The following ANK3 variants were observed in gnomAD, a reference collection of about 807,000 sequenced individuals.
ANK3 encodes ankyrin 3.
A neutral mutation model predicts 370.9 loss-of-function variants in ANK3; 57 were observed. That is an observed-to-expected ratio of 0.15 (90% CI 0.12 to 0.19). ANK3 has a LOEUF of 0.19. Ranked by LOEUF, ANK3 falls within the 10% of genes least tolerant of loss-of-function variation. ANK3 has a pLI of 1.00. For synonymous variants in ANK3, 1,929 were observed against 1,946.3 expected (o/e 0.99, Z 0.23); for missense variants, 4,439 against 5,302.1 (o/e 0.84, Z 5.06).
intron 1 of ANK3, among the ~76,000 whole-genome samples, chr10:60,286,088 T>A (rs1328121662): frequency 1.3e-5 from 2 of 152,144 alleles, no homozygotes; most frequent in Non-Finnish European, 2.9e-5. Flanking sequence ...ATATGAACAG[T>A]TCAAAGAAAA....
rs769051656 is a variant in ANK3, at chr10:60,071,935, C to T, written c.8946G>A (p.Gln2982=). ...ATAGTTCATGTTTTGGAAATGCCGA[C>T]TGTTCACAAAAACCATCGGGAATAT... The part of the protein sequence containing the change: ...SSNIPDGFCE[Q]SAFPKHELSQ... Residue 2982 remains glutamine, a synonymous_variant, in exon 37 of 44, where the codon CAG becomes CAA. Transcript: ENST00000280772. 1.9e-6 allele frequency: 3 copies of T among 1,614,080 alleles called. No individual in the cohort carries two copies. Among genetic ancestry groups the T allele is most frequent in the Non-Finnish European group, 2.5e-6 (3 of 1,180,004 alleles).
chr10:60,216,015 T>C (rs1446153623), intron 8 of ANK3, among the ~76,000 whole-genome samples: 1 of 152,186 alleles, frequency 6.6e-6, no homozygotes, highest in Non-Finnish European at 1.5e-5. Flanking sequence ...GCATCCTCTC[T>C]TACATCCTTG....
At chr10:60,130,981 T>G (rs934901714) in intron 25 of ANK3, among the ~76,000 whole-genome samples, 2 of 152,242 alleles carry the variant, frequency 1.3e-5, no homozygotes, top group Admixed American at 6.5e-5. Context: ...GATTCAACAA[T>G]TAACATTGCT....
intron 2 of ANK3, among the ~76,000 whole-genome samples, chr10:60,415,374 G>A (rs1168033396): frequency 4.6e-5 from 7 of 152,096 alleles, no homozygotes; most frequent in Admixed American, 3.3e-4. Flanking sequence ...TCTGCAAAAC[G>A]TAAAAAGAAC....
In ANK3 at chr10:60,158,966, G is replaced by A. The variant is rs553798579; in HGVS notation, c.2614+7625C>T. Among the ~76,000 whole-genome samples the A allele has an allele frequency of 2.8e-4, 43 of 151,872 alleles. No individual in the cohort carries two copies. In the East Asian group the frequency reaches 5.6e-3, roughly 20 times the overall value. Reference sequence around the variant, plus strand: ...TTTGGGATTATAGGCATGAGCCACCGTGCCCAGCCAATAAAAAAAAATCAC... The same window carrying A: ...TTTGGGATTATAGGCATGAGCCACCATGCCCAGCCAATAAAAAAAAATCAC... On this transcript the variant is annotated intron_variant, in intron 23 of 43. Transcript: ENST00000280772.
At chr10:60,166,952 C>A in intron 21 of ANK3, 56 bp from the exon 22 acceptor site, 2 of 1,387,348 alleles carry the variant, frequency 1.4e-6, no homozygotes, top group South Asian at 1.2e-5. Flanking sequence ...TTTAATGGGT[C>A]TTTTCATTTA....
In ANK3 at chr10:60,132,655, T is replaced by C. The variant is rs1241182005; in HGVS notation, c.2841+1616A>G. ...TTTTTTTGACAGAGTCTCGCTCTGT[T>C]GCCCAGGCTGGAGTACAGTGGTGCA... On this transcript the variant is annotated intron_variant, in intron 25 of 43. Coordinates refer to ENST00000280772, the MANE Select transcript of ANK3 (RefSeq NM_020987.5). Among the ~76,000 whole-genome samples the C allele has an allele frequency of 5.9e-5, 9 of 151,898 alleles. No individual in the cohort carries two copies. In the East Asian group the frequency reaches 1.3e-3, roughly 23 times the overall value.
intron 2 of ANK3, among the ~76,000 whole-genome samples, chr10:60,584,719 A>T (rs2077807060): frequency 6.6e-6 from 1 of 152,190 alleles, no homozygotes; most frequent in Admixed American, 6.5e-5. Context: ...TTCCTGAGAC[A>T]TTTCTACTGA....
intron 28 of ANK3, among the ~76,000 whole-genome samples, chr10:60,089,459 TTGTGTGTGTGTGTGTG>T (rs61497871): frequency 0.083 from 11,799 of 141,632 alleles, 1,202 homozygotes; most frequent in African/African-American, 0.24. Flanking sequence ...TCCATCCAGG[TTGTGTGTGTGTGTGTG>T]TGTGTGTGTG....
intron 4 of ANK3, among the ~76,000 whole-genome samples, chr10:60,273,404 A>G (rs1309717652): frequency 2.0e-5 from 3 of 152,164 alleles, no homozygotes; most frequent in Non-Finnish European, 4.4e-5. Context: ...AGTGGCTTTA[A>G]GTATATTCAT....
Position 60,044,386 on chromosome 10 carries a change from T to C in ANK3, c.13066-1627A>G, listed in dbSNP as rs551065957. The C allele has an allele frequency of 4.3e-5, 40 of 938,436 alleles. No homozygotes were observed. In the South Asian group the frequency reaches 1.7e-3, roughly 40 times the overall value. The allele number at this position is 938,436 out of a possible 1,614,324, so 58.1% of individuals were successfully genotyped here. On this transcript the variant is annotated intron_variant, in intron 42 of 43. Coordinates refer to ENST00000280772, the MANE Select transcript of ANK3 (RefSeq NM_020987.5). ...GCATAAAGATTAGCAACATACTAGA[T>C]GGAGAAATCTCCACACTACTCCAAA...
intron 43 of ANK3, among the ~76,000 whole-genome samples, chr10:60,032,513 T>G (rs999871738): frequency 6.6e-6 from 1 of 152,112 alleles, no homozygotes; most frequent in African/African-American, 2.4e-5. Context: ...TGGCCTGGCT[T>G]GATAATTTTT....
chr10:60,257,839 C>G (rs1289102834), intron 7 of ANK3, among the ~76,000 whole-genome samples: 3 of 152,106 alleles, frequency 2.0e-5, no homozygotes, highest in Admixed American at 2.0e-4. Context: ...TTTCAGAGAT[C>G]AAAACAGAAA....
chr10:60,073,957 A>G lies in ANK3; in HGVS notation c.6924T>C (p.Ala2308=). ...SAVSPDVHKS[A]AETSAQHAEK... is the part of the protein sequence containing the mutation. ...CTGCATGCTGGGCTGAGGTTTCAGCAGCAGACTTGTGAACATCTGGAGACA... is the reference window on the plus strand; with the variant it reads ...CTGCATGCTGGGCTGAGGTTTCAGCGGCAGACTTGTGAACATCTGGAGACA... The change falls in exon 37 of 44, where the codon GCT becomes GCC. Residue 2308 remains alanine, a synonymous_variant. Coordinates refer to ENST00000280772, the MANE Select transcript of ANK3 (RefSeq NM_020987.5). The G allele has an allele frequency of 6.2e-7, 1 of 1,614,056 alleles. No individual in the cohort carries two copies. Among genetic ancestry groups the G allele is most frequent in the Non-Finnish European group, 8.5e-7 (1 of 1,180,000 alleles).
chr10:60,395,624 C>T (rs1168616040), intron 2 of ANK3, among the ~76,000 whole-genome samples: 7,327 of 57,762 alleles, frequency 0.13, 265 homozygotes, highest in Middle Eastern at 0.23. Context: ...TTCGTTCTCT[C>T]TCTCTCTCTC....
intron 21 of ANK3, among the ~76,000 whole-genome samples, chr10:60,167,435 T>A (rs1010975510): frequency 2.0e-5 from 3 of 152,220 alleles, no homozygotes; most frequent in African/African-American, 4.8e-5. Context: ...TAAAAGGTGA[T>A]GCATTGGCAG....
chr10:60,494,772 T>G (rs2075611488), intron 2 of ANK3, among the ~76,000 whole-genome samples: 1 of 152,222 alleles, frequency 6.6e-6, no homozygotes, highest in Admixed American at 6.5e-5. Context: ...CATGATTTGA[T>G]TTTTTAAGTA....
intron 18 of ANK3, among the ~76,000 whole-genome samples, chr10:60,177,513 AG>A (rs1160047031): frequency 6.6e-6 from 1 of 151,040 alleles, no homozygotes; most frequent in East Asian, 1.9e-4. Flanking sequence ...GTGATCACCC[AG>A]TTGCACAGGT....
Position 60,059,374 on chromosome 10 carries a change from C to T in ANK3, c.12652G>A (p.Val4218Ile), listed in dbSNP as rs1164879127. Residue 4218 changes from valine (V) to isoleucine (I), a missense_variant, in exon 41 of 44, where the codon GTA becomes ATA. Val to Ile is a conservative substitution (Grantham distance 29). Transcript: ENST00000280772. ...NLESCAQARR[V>I]TGGLLDRLDD... ...AGTCGATCTAGTAACCCACCAGTTA[C>T]TCTTCGAGCTTGAGCGCAGGACTCT... is the stretch of plus-strand genomic sequence containing the variant. 1 of 1,614,092 alleles carries T rather than the reference C, an allele frequency of 6.2e-7. No homozygotes were observed. The highest frequency in any genetic ancestry group is 1.1e-5 in the South Asian group (1 of 91,082).
Sources: gnomAD v4.1 joint callset for allele counts (sites outside exome capture counted in the v4.1 genomes callset) on GRCh38, gnomAD v4.1.1 for gene constraint, MANE v1.5 for transcripts, NCBI Gene and HGNC (gene_info 2026-07-23, HGNC 2026-07-21) for gene names.